MAD1L1: variants seen among roughly 807,000 people sequenced by gnomAD.
MAD1L1 encodes mitotic spindle assembly checkpoint protein MAD1.
In MAD1L1, 95 loss-of-function variants were observed where a neutral mutation model predicts 96.9. The ratio of observed to expected loss-of-function variants is 0.98; its 90% CI spans 0.83 to 1.16. MAD1L1 has a LOEUF of 1.16. MAD1L1 is among the 50% of genes most tolerant of loss of function. The pLI is 0.00. For synonymous variants in MAD1L1, 473 were observed against 396.6 expected, an observed-to-expected ratio of 1.19 and a Z score of -2.29; for missense variants, 1,007 against 954.4, an observed-to-expected ratio of 1.06 and a Z score of -0.73.
chr7:1,839,751 C>T (rs995941661), intron 18 of MAD1L1, among the ~76,000 whole-genome samples: 8 of 152,092 alleles, frequency 5.3e-5, no homozygotes, highest in East Asian at 1.9e-4. Context: ...CGCCTCCCCC[C>T]GGCTCCCAGG....
intron 13 of MAD1L1, among the ~76,000 whole-genome samples, chr7:2,006,876 G>C (rs1287624178): frequency 6.6e-6 from 1 of 152,176 alleles, no homozygotes; most frequent in Non-Finnish European, 1.5e-5. Flanking sequence ...GTAGGAACCA[G>C]CACAGACACA....
At chr7:2,222,809 G>A in intron 4 of MAD1L1, 55 bp from the exon 5 acceptor site, 3 of 1,427,132 alleles carry the variant, frequency 2.1e-6, no homozygotes, top group East Asian at 2.5e-5. Context: ...GGGTCAGCGG[G>A]GAGCCCTCAC....
intron 17 of MAD1L1, among the ~76,000 whole-genome samples, chr7:1,914,751 T>C (rs2128452425): frequency 6.6e-6 from 1 of 151,792 alleles, no homozygotes; most frequent in South Asian, 2.1e-4. Flanking sequence ...GTAGCTGGGA[T>C]TACAGGCAGG....
At chr7:2,193,674 G>A (rs536335487) in intron 10 of MAD1L1, among the ~76,000 whole-genome samples, 4 of 152,288 alleles carry the variant, frequency 2.6e-5, no homozygotes, top group South Asian at 2.1e-4. Flanking sequence ...GGGGTAACAC[G>A]GCCGCGGGTA....
At chr7:2,135,472 G>A (rs1006469234) in intron 11 of MAD1L1, among the ~76,000 whole-genome samples, 3 of 152,200 alleles carry the variant, frequency 2.0e-5, no homozygotes, top group Admixed American at 6.5e-5. Flanking sequence ...AAATATAATT[G>A]TAAATAATGA....
At chr7:2,211,433 G>A (rs529358286) in intron 10 of MAD1L1, among the ~76,000 whole-genome samples, 32 of 152,348 alleles carry the variant, frequency 2.1e-4, no homozygotes, top group Non-Finnish European at 3.1e-4. Context: ...GCCAGGTCTC[G>A]TGCCCGACTG....
intron 10 of MAD1L1, among the ~76,000 whole-genome samples, chr7:2,166,823 A>T (rs1469600840): frequency 6.6e-6 from 1 of 152,182 alleles, no homozygotes; most frequent in East Asian, 1.9e-4. Flanking sequence ...TGCCAGGCGA[A>T]CCCAGTGACA....
intron 10 of MAD1L1, 98 bp from the exon 11 acceptor site, chr7:2,149,336 G>A: frequency 1.1e-6 from 1 of 911,188 alleles, no homozygotes; most frequent in East Asian, 2.5e-5. Context: ...CTCTGTAGCT[G>A]ATGCTCTGGG....
chr7:1,883,569 G>A (rs371203331), intron 18 of MAD1L1, among the ~76,000 whole-genome samples: 1 of 152,208 alleles, frequency 6.6e-6, no homozygotes, highest in East Asian at 1.9e-4. Context: ...TTCAGCACCA[G>A]GGGACGGACA....
chr7:1,847,716 C>T (rs777524841), intron 18 of MAD1L1: 26 of 470,202 alleles, frequency 5.5e-5, no homozygotes. Context: ...GCCTGGGTTC[C>T]CATCGCTTCG....
intron 11 of MAD1L1, among the ~76,000 whole-genome samples, chr7:2,118,602 C>G (rs1424048552): frequency 6.6e-6 from 1 of 152,234 alleles, no homozygotes; most frequent in Non-Finnish European, 1.5e-5. Context: ...GTGACAGGCC[C>G]TCGATGTCCA....
rs577700499 is a variant in MAD1L1 at position 2,166,561 on chromosome 7, T to C, written c.987-17323A>G. Among the ~76,000 whole-genome samples the C allele has an allele frequency of 2.6e-5, 4 of 152,358 alleles. No homozygotes were observed. In the South Asian group the frequency reaches 6.2e-4, roughly 24 times the overall value. On this transcript the variant is annotated intron_variant, in intron 10 of 18. Coordinates refer to ENST00000265854, the MANE Select transcript of MAD1L1 (RefSeq NM_001013836.2). ...CTCACTCTTTGGAAAAGCTGATCTTTTGAATGCTTTAAACGTTCAAAAAGA... is the reference window on the plus strand; with the variant it reads ...CTCACTCTTTGGAAAAGCTGATCTTCTGAATGCTTTAAACGTTCAAAAAGA...
rs143544216 is a variant in MAD1L1 at position 2,171,172 on chromosome 7, G to C, written c.987-21934C>G. ...CAGAGAATCCTAATAATCTGCTGAA[G>C]AGAAGCAACGTTTCCTGCGTATCGT... On this transcript the variant is annotated intron_variant, in intron 10 of 18. Coordinates refer to ENST00000265854, the MANE Select transcript of MAD1L1 (RefSeq NM_001013836.2). Among the ~76,000 whole-genome samples the C allele has an allele frequency of 1.1e-3, 174 of 152,376 alleles. 3 individuals are homozygous for C. The highest frequency in any genetic ancestry group is 6.8e-3 in the Middle Eastern group (2 of 294).
intron 18 of MAD1L1, among the ~76,000 whole-genome samples, chr7:1,827,317 G>C (rs55948146): frequency 0.6 from 91,245 of 151,860 alleles, 27,603 homozygotes; most frequent in Middle Eastern, 0.69. Flanking sequence ...AGCGGGCAGG[G>C]AGGACAGGTG....
At chr7:1,914,334 G>A (rs369542532) in intron 17 of MAD1L1, among the ~76,000 whole-genome samples, 2 of 152,228 alleles carry the variant, frequency 1.3e-5, no homozygotes, top group African/African-American at 2.4e-5. Context: ...GTGAGACCAC[G>A]GGCGTTCCTG....
At chr7:1,863,282 A>G (rs536396812) in intron 18 of MAD1L1, among the ~76,000 whole-genome samples, 3 of 152,358 alleles carry the variant, frequency 2.0e-5, no homozygotes, top group East Asian at 3.9e-4. Context: ...GGCAGGGAGG[A>G]AGGCCTGGGG....
chr7:2,062,025 G>C (rs1233529192), intron 12 of MAD1L1, among the ~76,000 whole-genome samples: 1 of 151,058 alleles, frequency 6.6e-6, no homozygotes, highest in Non-Finnish European at 1.5e-5. Flanking sequence ...CAGATCACCT[G>C]AGGTCAGGAG....
intron 11 of MAD1L1, among the ~76,000 whole-genome samples, chr7:2,102,258 A>G (rs1467498272): frequency 3.4e-5 from 5 of 146,982 alleles, no homozygotes; most frequent in African/African-American, 1.3e-4. Flanking sequence ...CACTGTCACC[A>G]TCACCACCAT....
chr7:2,044,397 C>G (rs1783828751), intron 12 of MAD1L1, among the ~76,000 whole-genome samples: 1 of 152,210 alleles, frequency 6.6e-6, no homozygotes, highest in South Asian at 2.1e-4. Context: ...TGCCACAAAG[C>G]ACCTCAGGTG....
Sources: allele counts gnomAD v4.1 joint callset (sites outside exome capture counted in the v4.1 genomes callset), GRCh38; gene constraint gnomAD v4.1.1; transcripts MANE v1.5; gene names NCBI Gene and HGNC (gene_info 2026-07-23, HGNC 2026-07-21).